The following ROR1 variants were observed in gnomAD, a reference collection of about 807,000 sequenced individuals.
ROR1 encodes the protein inactive tyrosine-protein kinase transmembrane receptor ROR1.
ROR1 carries 19 observed loss-of-function variants against 78.8 expected under a neutral mutation model. The observed-to-expected ratio is 0.24, with a 90% CI of 0.17 to 0.35. The LOEUF (loss-of-function observed/expected upper bound fraction) is 0.35. ROR1 is among the 10% of genes least tolerant of loss of function. The pLI, the probability that ROR1 is intolerant of heterozygous loss-of-function variation, is 1.00. For synonymous variants in ROR1, 386 were observed against 433.6 expected, an observed-to-expected ratio of 0.89 and a Z score of 1.36; for missense variants, 917 against 1,177.8, an observed-to-expected ratio of 0.78 and a Z score of 3.24.
At chr1:64,046,787 G>C (rs1391918098) in intron 2 of ROR1, among the ~76,000 whole-genome samples, 1 of 152,206 alleles carries the variant, frequency 6.6e-6, no homozygotes, top group Non-Finnish European at 1.5e-5. Flanking sequence ...GGAGTGAAAA[G>C]ATTTGGGCTT....
chr1:63,877,791 G>T (rs867527085), intron 1 of ROR1, among the ~76,000 whole-genome samples: 3 of 152,020 alleles, frequency 2.0e-5, no homozygotes, highest in Non-Finnish European at 2.9e-5. Flanking sequence ...TAGACATTTT[G>T]GGGGGGAAAC....
chr1:64,073,433 G>C lies in ROR1; in HGVS notation c.482+22717G>C, dbSNP rs139563152. 5.3e-3 allele frequency among the ~76,000 whole-genome samples: 814 copies of C among 152,306 alleles called. 9 individuals are homozygous for C. Among genetic ancestry groups the C allele is most frequent in the African/African-American group, 0.019 (787 of 41,562 alleles). On this transcript the variant is annotated intron_variant, in intron 4 of 8. Transcript: ENST00000371079. ...AGCCCTGAGTGGAAATTCGCAGCCA[G>C]TATGTGAAAGCATGACTTCAATTTT...
Position 63,774,461 on chromosome 1 carries a change from C to T in ROR1, c.44C>T (p.Ala15Val). 1 of 1,168,872 alleles carries T rather than the reference C, an allele frequency of 8.6e-7. No individual in the cohort carries two copies. Among genetic ancestry groups the T allele is most frequent in the East Asian group, 4.2e-5 (1 of 23,654 alleles). The allele number at this position is 1,168,872 out of a possible 1,614,324, so 72.4% of individuals were successfully genotyped here. A position where few individuals can be genotyped will look rare whatever the true frequency, so the allele number is the denominator to read the frequency against. The stretch of plus-strand genomic sequence containing the variant: ...CGCGGGACGCGCCCGCCGCTCCTGG[C>T]GCTGCTGGCCGCGCTGCTGCTGGCC... ...RRRGTRPPLL[A>V]LLAALLLAAR... is the part of the protein sequence containing the mutation. The change falls in exon 1 of 9, where the codon GCG (alanine) becomes GTG (valine). Residue 15 changes from alanine to valine, a missense_variant. This residue lies in a region of ROR1 where 63 missense variants were observed against 57.0 expected (regional missense o/e 1.10). Transcript: ENST00000371079. The surrounding 1 kb of genome is among the most constrained non-coding windows in gnomAD (Gnocchi z 5.7).
rs1462031468 is a variant in ROR1, at chr1:63,876,677, TGTGTGC to T, written c.91+102171_91+102176del. On this transcript the variant is annotated intron_variant, in intron 1 of 8. Coordinates refer to ENST00000371079, the MANE Select transcript of ROR1 (RefSeq NM_005012.4). Reference sequence around the variant, plus strand: ...GTGTGTGTGTGTGTGTGTGTGTGTGTGTGTGCGCGTGTGTGTGTGAGAACATGTGTT... The same window carrying T: ...GTGTGTGTGTGTGTGTGTGTGTGTGTGCGTGTGTGTGTGAGAACATGTGTT... 9.0e-3 allele frequency among the ~76,000 whole-genome samples: 734 copies of T among 81,842 alleles called. 5 individuals are homozygous for T. The highest frequency in any genetic ancestry group is 0.06 in the African/African-American group (480 of 8,028). 53.7% of individuals were successfully genotyped at this position (81,842 alleles called of 152,430 possible).
intron 4 of ROR1, among the ~76,000 whole-genome samples, chr1:64,105,073 C>T (rs1647740697): frequency 6.6e-6 from 1 of 152,162 alleles, no homozygotes. Flanking sequence ...TTTACGTTCC[C>T]ATTAACAGTA....
intron 2 of ROR1, among the ~76,000 whole-genome samples, chr1:64,018,208 C>T (rs1040409802): frequency 2.0e-5 from 3 of 152,086 alleles, no homozygotes; most frequent in Admixed American, 1.3e-4. Context: ...CTGGGACTTT[C>T]GGACTTAAAA....
At chr1:63,912,297 CAAA>C (rs67307299) in intron 1 of ROR1, among the ~76,000 whole-genome samples, 7 of 130,840 alleles carry the variant, frequency 5.4e-5, no homozygotes, top group Non-Finnish European at 4.8e-5. Context: ...GACCCTATCT[CAAA>C]AAAAAAAAAA....
chr1:63,934,318 G>T (rs921850801), intron 1 of ROR1, among the ~76,000 whole-genome samples: 6 of 152,066 alleles, frequency 3.9e-5, no homozygotes, highest in African/African-American at 1.4e-4. Flanking sequence ...TGTGACTTTG[G>T]ACAAGAGACT....
chr1:64,069,010 TTC>T (rs2100615196), intron 4 of ROR1, among the ~76,000 whole-genome samples: 1 of 152,344 alleles, frequency 6.6e-6, no homozygotes, highest in South Asian at 2.1e-4. Context: ...AAATAATTAT[TTC>T]TTTTACCATC....
At chr1:63,826,564 G>A (rs992491890) in intron 1 of ROR1, among the ~76,000 whole-genome samples, 2 of 152,068 alleles carry the variant, frequency 1.3e-5, no homozygotes, top group Non-Finnish European at 2.9e-5. Flanking sequence ...ATGCATGCCT[G>A]TGTCTTTATA....
At chr1:64,114,248 A>G (rs752495639) in intron 4 of ROR1, among the ~76,000 whole-genome samples, 15 of 152,220 alleles carry the variant, frequency 9.9e-5, no homozygotes, top group Non-Finnish European at 1.8e-4. Context: ...CATGACTGAC[A>G]TGCAGTTAGG....
intron 1 of ROR1, among the ~76,000 whole-genome samples, chr1:63,886,501 A>G (rs777742742): frequency 2.6e-5 from 4 of 152,060 alleles, no homozygotes; most frequent in African/African-American, 7.2e-5. Flanking sequence ...GCACCCGGTA[A>G]TTTATAATTC....
intron 2 of ROR1, among the ~76,000 whole-genome samples, chr1:64,040,321 T>C (rs957954789): frequency 6.6e-6 from 1 of 152,202 alleles, no homozygotes; most frequent in African/African-American, 2.4e-5. Context: ...TTGGTCATAT[T>C]ATATAAAAAT....
chr1:63,842,548 C>T lies in ROR1; in HGVS notation c.91+68040C>T, dbSNP rs140021992. ...TCATTTCTTCCAAGGCTGCTCTCCA[C>T]ATAAACATCTTTGAAAAGTTAGTCT... On this transcript the variant is annotated intron_variant, in intron 1 of 8. Coordinates refer to ENST00000371079, the MANE Select transcript of ROR1 (RefSeq NM_005012.4). Among the ~76,000 whole-genome samples, 824 of 152,266 alleles carry T rather than the reference C, an allele frequency of 5.4e-3. 10 individuals are homozygous for T. Among genetic ancestry groups the T allele is most frequent in the African/African-American group, 0.019 (786 of 41,554 alleles).
chr1:63,783,446 C>G (rs1382124906), intron 1 of ROR1, among the ~76,000 whole-genome samples: 4 of 152,158 alleles, frequency 2.6e-5, no homozygotes, highest in Non-Finnish European at 4.4e-5. Context: ...AATTAACACA[C>G]TGAGCATACT....
At position 63,818,441 on chromosome 1, in the gene ROR1, GT is replaced by G. The variant is rs1644905034; in HGVS notation, c.91+43937del. Among the ~76,000 whole-genome samples, 9 of 152,296 alleles carry G rather than the reference GT, an allele frequency of 5.9e-5. No individual in the cohort carries two copies. In the South Asian group the frequency reaches 1.9e-3, roughly 32 times the overall value. On this transcript the variant is annotated intron_variant, in intron 1 of 8. Transcript: ENST00000371079. ...ACACCACCTACATTCTACTATTGCTGTTTTATTCTATTTACTTTATCACTTG... is the reference window on the plus strand; with the variant it reads ...ACACCACCTACATTCTACTATTGCTGTTTATTCTATTTACTTTATCACTTG...
intron 1 of ROR1, among the ~76,000 whole-genome samples, chr1:63,910,608 C>A (rs1645562797): frequency 6.6e-6 from 1 of 152,158 alleles, no homozygotes; most frequent in South Asian, 2.1e-4. Flanking sequence ...GTTAACTAAC[C>A]TCCTATGACC....
At chr1:63,823,775 T>C (rs914893313) in intron 1 of ROR1, among the ~76,000 whole-genome samples, 1 of 152,016 alleles carries the variant, frequency 6.6e-6, no homozygotes, top group Admixed American at 6.6e-5. Context: ...TTTTTTTTTT[T>C]TTTGAGACGA....
At position 63,956,595 on chromosome 1, in the gene ROR1, G is replaced by C. The variant is rs554563904; in HGVS notation, c.92-52710G>C. ...TAATTCCCACTAATTCAGTGTGTCT[G>C]AGGGGTCCTTAATACTGGCATTGAT... On this transcript the variant is annotated intron_variant, in intron 1 of 8. Coordinates refer to ENST00000371079, the MANE Select transcript of ROR1 (RefSeq NM_005012.4). Among the ~76,000 whole-genome samples, 4 of 152,314 alleles carry C rather than the reference G, an allele frequency of 2.6e-5. No individual in the cohort carries two copies. The East Asian group carries it at 5.8e-4, about 22-fold the overall frequency.
Sources: gnomAD v4.1 joint callset for allele counts (sites outside exome capture counted in the v4.1 genomes callset) on GRCh38, gnomAD v4.1.1 for gene constraint, gnomAD v4.1.1 regional missense constraint, Gnocchi (gnomAD v3.1) non-coding constraint, MANE v1.5 for transcripts, NCBI Gene and HGNC (gene_info 2026-07-23, HGNC 2026-07-21) for gene names.